GULP1: variants seen among roughly 807,000 people sequenced by gnomAD.
The protein encoded by GULP1 is PTB domain-containing engulfment adapter protein 1.
A neutral mutation model predicts 40.9 loss-of-function variants in GULP1; 19 were observed. That is an observed-to-expected ratio of 0.46 (90% CI 0.32 to 0.68). The LOEUF (loss-of-function observed/expected upper bound fraction) is 0.68. Among genes scored for constraint, GULP1 ranks in the 30% least tolerant of loss-of-function variants. The pLI, the probability that GULP1 is intolerant of heterozygous loss-of-function variation, is 0.03. For missense variants in GULP1, 312 were observed against 362.2 expected (o/e 0.86, Z 1.12); for synonymous variants, 119 against 117.6 (o/e 1.01, Z -0.08).
intron 1 of GULP1, among the ~76,000 whole-genome samples, chr2:188,316,255 T>C (rs1002806363): frequency 6.6e-6 from 1 of 152,174 alleles, no homozygotes; most frequent in African/African-American, 2.4e-5. Context: ...GACAAGAAAC[T>C]TCTAATATAT....
intron 7 of GULP1, among the ~76,000 whole-genome samples, chr2:188,548,858 G>GTTTTGTTTTA (rs141155051): frequency 2.0e-5 from 3 of 151,540 alleles, no homozygotes; most frequent in Non-Finnish European, 4.4e-5. Flanking sequence ...GTTTTGTTTT[G>GTTTTGTTTTA]TTTTATTTTG....
chr2:188,439,779 G>A (rs772106388), intron 2 of GULP1, among the ~76,000 whole-genome samples: 1 of 151,878 alleles, frequency 6.6e-6, no homozygotes, highest in Non-Finnish European at 1.5e-5. Flanking sequence ...TTTGCAATAT[G>A]CTTTTCATCA....
At chr2:188,309,687 T>C (rs1157191818) in intron 1 of GULP1, among the ~76,000 whole-genome samples, 1 of 152,232 alleles carries the variant, frequency 6.6e-6, no homozygotes, top group Admixed American at 6.5e-5. Flanking sequence ...GAAAAAAAAT[T>C]TTAAGTCCAA....
chr2:188,360,860 C>G (rs2045978347), intron 1 of GULP1, among the ~76,000 whole-genome samples: 1 of 151,898 alleles, frequency 6.6e-6, no homozygotes, highest in Non-Finnish European at 1.5e-5. Context: ...AAGTAAATAG[C>G]CCAAATAACA....
chr2:188,401,240 C>T (rs748408621), intron 2 of GULP1, among the ~76,000 whole-genome samples: 14 of 151,724 alleles, frequency 9.2e-5, no homozygotes, highest in Non-Finnish European at 1.9e-4. Flanking sequence ...TTTTTAATAG[C>T]ATATGAAATA....
intron 9 of GULP1, among the ~76,000 whole-genome samples, chr2:188,576,280 A>G (rs889496611): frequency 6.6e-6 from 1 of 151,896 alleles, no homozygotes; most frequent in African/African-American, 2.4e-5. Context: ...TTTTATTGTC[A>G]TTGTTTATTG....
At chr2:188,578,644 A>G (rs1042018709) in intron 9 of GULP1, among the ~76,000 whole-genome samples, 11 of 152,140 alleles carry the variant, frequency 7.2e-5, no homozygotes, top group African/African-American at 2.7e-4. Flanking sequence ...CTGTATAATT[A>G]CCATATAATT....
chr2:188,534,310 G>A (rs1688354622), intron 6 of GULP1, among the ~76,000 whole-genome samples: 1 of 151,322 alleles, frequency 6.6e-6, no homozygotes, highest in African/African-American at 2.4e-5. Flanking sequence ...TGCAACCATA[G>A]TAAAGAATGA....
At chr2:188,578,823 CAGAA>C (rs1427203390) in intron 9 of GULP1, among the ~76,000 whole-genome samples, 1 of 152,040 alleles carries the variant, frequency 6.6e-6, no homozygotes, top group Non-Finnish European at 1.5e-5. Context: ...AGAACACTGA[CAGAA>C]AGACCAAAAT....
At chr2:188,426,180 G>T (rs2056173867) in intron 2 of GULP1, among the ~76,000 whole-genome samples, 1 of 152,204 alleles carries the variant, frequency 6.6e-6, no homozygotes, top group African/African-American at 2.4e-5. Context: ...CTCACAGGTT[G>T]TAAGTGGATT....
chr2:188,403,966 A>G (rs1363050384), intron 2 of GULP1, among the ~76,000 whole-genome samples: 1 of 152,124 alleles, frequency 6.6e-6, no homozygotes, highest in Non-Finnish European at 1.5e-5. Flanking sequence ...TTTCCAGGAC[A>G]CTCACTACTG....
At chr2:188,362,751 AT>A (rs1247638824) in intron 1 of GULP1, among the ~76,000 whole-genome samples, 1 of 136,324 alleles carries the variant, frequency 7.3e-6, no homozygotes, top group Non-Finnish European at 1.6e-5. Flanking sequence ...GATCCTTTCC[AT>A]TTTTTCACTT....
intron 9 of GULP1, among the ~76,000 whole-genome samples, chr2:188,580,219 G>T (rs1306363536): frequency 6.6e-6 from 1 of 152,180 alleles, no homozygotes. Context: ...TAAAAATTGT[G>T]TACATACACA....
intron 1 of GULP1, among the ~76,000 whole-genome samples, chr2:188,366,292 G>A (rs2046776030): frequency 6.6e-6 from 1 of 152,112 alleles, no homozygotes; most frequent in African/African-American, 2.4e-5. Context: ...CGGTTTACAT[G>A]ACAAAGCCAC....
intron 7 of GULP1, among the ~76,000 whole-genome samples, chr2:188,547,180 CACTT>C (rs1354305596): frequency 6.6e-6 from 1 of 150,962 alleles, no homozygotes; most frequent in Non-Finnish European, 1.5e-5. Flanking sequence ...GGGACAGAAA[CACTT>C]TCTACTTCAT....
At chr2:188,351,859 T>A (rs1232830979) in intron 1 of GULP1, among the ~76,000 whole-genome samples, 2 of 152,204 alleles carry the variant, frequency 1.3e-5, no homozygotes, top group Non-Finnish European at 2.9e-5. Flanking sequence ...AGTAAATATT[T>A]GCTTCATATT....
At chr2:188,342,333 A>T (rs1218914429) in intron 1 of GULP1, among the ~76,000 whole-genome samples, 9 of 151,654 alleles carry the variant, frequency 5.9e-5, no homozygotes, top group Admixed American at 2.0e-4. Flanking sequence ...TGGCTGCATG[A>T]CTCTAATCTT....
At chr2:188,326,887 C>T (rs1399386748) in intron 1 of GULP1, among the ~76,000 whole-genome samples, 4 of 151,904 alleles carry the variant, frequency 2.6e-5, no homozygotes, top group South Asian at 2.1e-4. Flanking sequence ...GGACTATGCT[C>T]CTGACTCAGC....
At chr2:188,498,005 G>A (rs768333464) in intron 4 of GULP1, among the ~76,000 whole-genome samples, 5 of 151,874 alleles carry the variant, frequency 3.3e-5, no homozygotes, top group African/African-American at 7.2e-5. Context: ...ACATTCCAGA[G>A]ATATCCATAT....
Sources: allele counts gnomAD v4.1 joint callset (sites outside exome capture counted in the v4.1 genomes callset), GRCh38; gene constraint gnomAD v4.1.1; transcripts MANE v1.5; gene names NCBI Gene and HGNC (gene_info 2026-07-23, HGNC 2026-07-21).